TOR1AIP2: variants seen among roughly 807,000 people sequenced by gnomAD.
TOR1AIP2 encodes the protein torsin 1A interacting protein 2.
Under a neutral mutation model 32.6 loss-of-function variants are expected in TOR1AIP2, and 20 were observed. That is an observed-to-expected ratio of 0.61 (90% confidence interval 0.43 to 0.89). TOR1AIP2 has a LOEUF of 0.89. Ranked by LOEUF, TOR1AIP2 falls within the 40% of genes least tolerant of loss-of-function variation. The pLI, the probability that TOR1AIP2 is intolerant of heterozygous loss-of-function variation, is 0.00. For missense variants in TOR1AIP2, 456 were observed against 553.8 expected (o/e 0.82, Z 1.77); for synonymous variants, 214 against 210.8 (o/e 1.02, Z -0.13).
At chr1:179,848,974 C>CA (rs369296501) in intron 5 of TOR1AIP2, among the ~76,000 whole-genome samples, 10,164 of 144,024 alleles carry the variant, frequency 0.071, 433 homozygotes, top group African/African-American at 0.12. Flanking sequence ...ACTAAAAATA[C>CA]AAAAAAAAAA....
At chr1:179,870,324 A>G (rs1200302648) in intron 2 of TOR1AIP2, among the ~76,000 whole-genome samples, 5 of 152,066 alleles carry the variant, frequency 3.3e-5, no homozygotes, top group African/African-American at 9.7e-5. Context: ...GCGTGAACCC[A>G]GGAGGCGGAG....
intron 2 of TOR1AIP2, chr1:179,874,139 T>C (rs1697107387): frequency 6.6e-6 from 1 of 152,264 alleles, no homozygotes; most frequent in Admixed American, 6.5e-5. Context: ...TAGCATTACC[T>C]GGGAGCTTGC....
chr1:179,864,254 A>G, intron 3 of TOR1AIP2: 1 of 985,490 alleles, frequency 1.0e-6, no homozygotes, highest in South Asian at 4.7e-5. Context: ...ATGGCTATAT[A>G]AGAGCAAATT....
chr1:179,840,206 T>C lies in TOR1AIP2; in HGVS notation c.*5865A>G, dbSNP rs1385270251. The C allele has an allele frequency of 6.6e-6, 1 of 152,158 alleles. No homozygotes were observed. The highest frequency in any genetic ancestry group is 1.9e-4 in the East Asian group (1 of 5,202). The allele number at this position is 152,158 out of a possible 1,614,324, so 9.4% of individuals were successfully genotyped here. A position where few individuals can be genotyped will look rare whatever the true frequency, so the allele number is the denominator to read the frequency against. On this transcript the variant is annotated 3_prime_UTR_variant, in exon 7 of 7. Transcript: ENST00000609928. Reference sequence around the variant, plus strand: ...TTTCTTTTATGACAGGAAAGGCAAATAGATTTAAATTTCCTGTGCTCTCTG... The same window carrying C: ...TTTCTTTTATGACAGGAAAGGCAAACAGATTTAAATTTCCTGTGCTCTCTG...
At position 179,846,543 on chromosome 1, in the gene TOR1AIP2, T is replaced by C. The variant is rs1014169325; in HGVS notation, c.941A>G (p.His314Arg). 6 of 1,614,084 alleles carry C rather than the reference T, an allele frequency of 3.7e-6. No individual in the cohort carries two copies. The African/African-American group carries it at 5.3e-5, about 14-fold the overall frequency. Residue 314 changes from histidine (H) to arginine (R), a missense_variant, in exon 7 of 7, where the codon CAT becomes CGT. By Grantham distance (29) the His-to-Arg change is conservative. Coordinates refer to ENST00000609928, the MANE Select transcript of TOR1AIP2 (RefSeq NM_001199260.2). ...GRETLKCLSH[H>R]VADAYTSSQK... ...GGAAGAGGTGTAGGCATCTGCAACA[T>C]GGTGGCTCAGGCACTTCAGGGTCTC...
intron 3 of TOR1AIP2, chr1:179,863,269 G>A: frequency 2.0e-6 from 2 of 980,852 alleles, no homozygotes; most frequent in Non-Finnish European, 2.4e-6. Flanking sequence ...TTCAATGGAG[G>A]CAATGTGGCC....
At chr1:179,862,148 T>C (rs1260170963) in intron 3 of TOR1AIP2, 2 of 984,832 alleles carry the variant, frequency 2.0e-6, no homozygotes, top group African/African-American at 3.5e-5. Context: ...ATGATATAAA[T>C]CCTTTTAATC....
At chr1:179,876,021 T>C (rs1176012382) in intron 2 of TOR1AIP2, 3 of 152,216 alleles carry the variant, frequency 2.0e-5, no homozygotes, top group Admixed American at 2.0e-4. Flanking sequence ...CAATTCTTCA[T>C]TCTTTAAATT....
chr1:179,846,480 C>T lies in TOR1AIP2; in HGVS notation c.1004G>A (p.Arg335Lys), dbSNP rs1447333377. The change falls in exon 7 of 7, where the codon AGG becomes AAG. Residue 335 changes from arginine to lysine, a missense_variant. Coordinates refer to ENST00000609928, the MANE Select transcript of TOR1AIP2 (RefSeq NM_001199260.2). The part of the protein sequence containing the change: ...VSPIQIDGAG[R>K]TWQDSDTVKL... ...GACCGTGTCACTGTCCTGCCAGGTCCTTCCAGCCCCATCAATCTGAATGGG... is the reference window on the plus strand; with the variant it reads ...GACCGTGTCACTGTCCTGCCAGGTCTTTCCAGCCCCATCAATCTGAATGGG... 1.2e-6 allele frequency: 2 copies of T among 1,614,194 alleles called. No individual in the cohort carries two copies. The highest frequency in any genetic ancestry group is 1.1e-5 in the South Asian group (1 of 91,082).
In TOR1AIP2 at chr1:179,852,707, T is replaced by C. The variant is rs184456872; in HGVS notation, c.-42A>G. On this transcript the variant is annotated 5_prime_UTR_variant, in exon 4 of 7. An upstream open reading frame in the 5' UTR loses its in-frame stop. Transcript: ENST00000609928. ...TTCAGAGTTGGGAGGATACTTTTTT[T>C]AGTACTTGGTTTTCCTTGTGAAGAT... 5.3e-5 allele frequency: 85 copies of C among 1,613,666 alleles called. No individual in the cohort carries two copies. The African/African-American group carries it at 1.0e-3, about 19-fold the overall frequency.
intron 5 of TOR1AIP2, among the ~76,000 whole-genome samples, chr1:179,848,346 TTCC>T (rs1695994899): frequency 6.6e-6 from 1 of 152,190 alleles, no homozygotes; most frequent in African/African-American, 2.4e-5. Context: ...TTTCACATGG[TTCC>T]TCAAGACCCC....
intron 3 of TOR1AIP2, chr1:179,860,828 G>C (rs966683341): frequency 1.0e-6 from 1 of 985,436 alleles, no homozygotes; most frequent in South Asian, 4.7e-5. Context: ...AGGGTTGCCA[G>C]GGAGACTGGA....
At chr1:179,861,866 G>GT (rs982352804) in intron 3 of TOR1AIP2, 4,912 of 899,420 alleles carry the variant, frequency 5.5e-3, no homozygotes, top group Non-Finnish European at 5.9e-3. Flanking sequence ...CTTTTATGTT[G>GT]TTTTTTTTTC....
chr1:179,866,292 T>C (rs1696767834), intron 2 of TOR1AIP2, among the ~76,000 whole-genome samples: 1 of 151,664 alleles, frequency 6.6e-6, no homozygotes, highest in South Asian at 2.1e-4. Context: ...AGTTTTTAGA[T>C]AATATTCTTA....
At chr1:179,871,628 C>A (rs1008741153) in intron 2 of TOR1AIP2, among the ~76,000 whole-genome samples, 1 of 152,164 alleles carries the variant, frequency 6.6e-6, no homozygotes, top group Non-Finnish European at 1.5e-5. Flanking sequence ...CAGCCTCAAC[C>A]AATTCCTCAT....
intron 3 of TOR1AIP2, among the ~76,000 whole-genome samples, chr1:179,857,355 G>C (rs930891676): frequency 6.6e-6 from 1 of 152,200 alleles, no homozygotes; most frequent in East Asian, 1.9e-4. Context: ...ATCAAGGCTT[G>C]TAACAGGTGA....
chr1:179,853,870 T>A (rs1696203683), intron 3 of TOR1AIP2, among the ~76,000 whole-genome samples: 1 of 152,222 alleles, frequency 6.6e-6, no homozygotes, highest in African/African-American at 2.4e-5. Flanking sequence ...ATTTTCTTTC[T>A]GCCACTGTGA....
intron 5 of TOR1AIP2, among the ~76,000 whole-genome samples, chr1:179,849,700 T>TC (rs1361623423): frequency 3.3e-5 from 5 of 152,208 alleles, no homozygotes; most frequent in African/African-American, 1.2e-4. Context: ...CAAGCAATCC[T>TC]CCCAACTCAG....
chr1:179,853,981 T>C (rs1696207084), intron 3 of TOR1AIP2, among the ~76,000 whole-genome samples: 1 of 152,176 alleles, frequency 6.6e-6, no homozygotes, highest in Non-Finnish European at 1.5e-5. Context: ...AATGAAGTTT[T>C]CTCTCCTATC....
Sources: gnomAD v4.1 joint callset for allele counts (sites outside exome capture counted in the v4.1 genomes callset) on GRCh38, gnomAD v4.1.1 for gene constraint, MANE v1.5 for transcripts, NCBI Gene and HGNC (gene_info 2026-07-23, HGNC 2026-07-21) for gene names.